The following RANBP2 variants were observed in gnomAD, a reference collection of about 807,000 sequenced individuals.
RANBP2 encodes E3 SUMO-protein ligase RanBP2.
RANBP2 carries 57 observed loss-of-function variants against 303.6 expected under a neutral mutation model. The observed-to-expected ratio is 0.19, with a 90% CI of 0.15 to 0.23. RANBP2 has a LOEUF of 0.23. Among genes scored for constraint, RANBP2 ranks in the 10% least tolerant of loss-of-function variants. The probability of loss-of-function intolerance (pLI) is 1.00; values close to 1 mark genes in which losing one functional copy is unlikely to be tolerated. For missense variants in RANBP2, 3,138 were observed against 3,780.8 expected, an observed-to-expected ratio of 0.83 and a Z score of 4.46; for synonymous variants, 1,167 against 1,301.5, an observed-to-expected ratio of 0.90 and a Z score of 2.23.
At chr2:109,664,078 G>A in the RANBP2 span, among the ~76,000 whole-genome samples, 1 of 152,142 alleles carries the variant, frequency 6.6e-6, no homozygotes, top group African/African-American at 2.4e-5. Flanking sequence ...AAAGCAGACT[G>A]CTCTATTCTG....
At chr2:109,087,464 C>T in the RANBP2 span, among the ~76,000 whole-genome samples, 1 of 152,124 alleles carries the variant, frequency 6.6e-6, no homozygotes, top group Non-Finnish European at 1.5e-5. Flanking sequence ...GGACTTGTTC[C>T]TAACTCTGAG....
At chr2:109,069,758 A>C in the RANBP2 span, among the ~76,000 whole-genome samples, 1 of 152,294 alleles carries the variant, frequency 6.6e-6, no homozygotes, top group East Asian at 1.9e-4. Flanking sequence ...TCATGGAGTC[A>C]TTACTCTTTC....
At chr2:109,530,676 G>T in the RANBP2 span, among the ~76,000 whole-genome samples, 3 of 152,218 alleles carry the variant, frequency 2.0e-5, no homozygotes, top group African/African-American at 4.8e-5. Context: ...TCTGTGTGCT[G>T]TTCAGTTTCT....
At chr2:109,447,164 A>G in the RANBP2 span, among the ~76,000 whole-genome samples, 435 of 149,854 alleles carry the variant, frequency 2.9e-3, 1 homozygote, top group East Asian at 8.0e-3. Context: ...AAAAAAAAAA[A>G]AAAAGAAAAG....
chr2:108,775,443 C>T (rs1025424247), intron 23 of RANBP2, among the ~76,000 whole-genome samples: 4 of 152,242 alleles, frequency 2.6e-5, no homozygotes, highest in African/African-American at 9.6e-5. Flanking sequence ...GGCTGGGTTA[C>T]AGGAGTGGCA....
At chr2:108,873,788 G>C in the RANBP2 span, among the ~76,000 whole-genome samples, 1 of 152,088 alleles carries the variant, frequency 6.6e-6, no homozygotes, top group East Asian at 1.9e-4. Flanking sequence ...TTTTCAGAAA[G>C]CTTACAAATT....
At chr2:109,318,741 C>T in the RANBP2 span, among the ~76,000 whole-genome samples, 3 of 152,160 alleles carry the variant, frequency 2.0e-5, no homozygotes, top group Non-Finnish European at 4.4e-5. Context: ...AGATACTGAC[C>T]CTTCTGGTCT....
the RANBP2 span, among the ~76,000 whole-genome samples, chr2:108,984,594 C>T: frequency 6.6e-6 from 1 of 152,168 alleles, no homozygotes; most frequent in Non-Finnish European, 1.5e-5. Context: ...TTCACTCCCT[C>T]ACTTCATCCA....
At chr2:109,687,892 C>T in the RANBP2 span, among the ~76,000 whole-genome samples, 1 of 152,078 alleles carries the variant, frequency 6.6e-6, no homozygotes, top group South Asian at 2.1e-4. Context: ...TACACACGTG[C>T]ACCACCATGT....
chr2:109,672,003 T>TCTC, the RANBP2 span, among the ~76,000 whole-genome samples: 1 of 148,848 alleles, frequency 6.7e-6, no homozygotes, highest in Non-Finnish European at 1.5e-5. Flanking sequence ...TTCTATACTT[T>TCTC]CTCCTCCTCC....
chr2:108,990,113 T>C, the RANBP2 span, among the ~76,000 whole-genome samples: 6 of 151,864 alleles, frequency 4.0e-5, no homozygotes, highest in Non-Finnish European at 7.4e-5. Context: ...CTGGCCAACA[T>C]GGTGAAACTC....
the RANBP2 span, among the ~76,000 whole-genome samples, chr2:108,808,721 G>C: frequency 6.6e-6 from 1 of 152,026 alleles, no homozygotes; most frequent in Non-Finnish European, 1.5e-5. Flanking sequence ...TTTTTTTGCT[G>C]TTGAGTTCCT....
the RANBP2 span, among the ~76,000 whole-genome samples, chr2:109,733,318 GA>G: frequency 7.6e-4 from 115 of 151,850 alleles, no homozygotes; most frequent in African/African-American, 2.7e-3. Context: ...TTGAACAAAA[GA>G]AAAAAATCAC....
At chr2:109,096,642 A>G in the RANBP2 span, among the ~76,000 whole-genome samples, 5 of 152,228 alleles carry the variant, frequency 3.3e-5, no homozygotes, top group African/African-American at 9.6e-5. Context: ...TGAAATGTTC[A>G]TGAATATCAA....
the RANBP2 span, among the ~76,000 whole-genome samples, chr2:109,271,187 G>A: frequency 2.0e-5 from 3 of 152,142 alleles, no homozygotes; most frequent in East Asian, 3.9e-4. Flanking sequence ...TTGCTAATGA[G>A]CAAAACAAGG....
At chr2:109,731,841 C>A in the RANBP2 span, among the ~76,000 whole-genome samples, 3 of 149,836 alleles carry the variant, frequency 2.0e-5, no homozygotes, top group African/African-American at 7.3e-5. Flanking sequence ...TCTTCTTTCT[C>A]TTTTTCTTTT....
chr2:108,773,098 G>T (rs746489678), intron 23 of RANBP2, 52 bp downstream of exon 23: 2 of 1,509,570 alleles, frequency 1.3e-6, no homozygotes, highest in Admixed American at 1.9e-5. Flanking sequence ...CTTTGTTGAT[G>T]CAGTAAACTT....
At chr2:109,479,346 G>A in the RANBP2 span, among the ~76,000 whole-genome samples, 2 of 152,192 alleles carry the variant, frequency 1.3e-5, no homozygotes, top group Admixed American at 6.5e-5. Context: ...GAGACACAGT[G>A]TTGTGGCTGT....
chr2:108,752,174 C>T (rs1377018664), intron 12 of RANBP2, among the ~76,000 whole-genome samples, 180 bp downstream of exon 12: 1 of 151,740 alleles, frequency 6.6e-6, no homozygotes, highest in Non-Finnish European at 1.5e-5. Context: ...AGGAGCAATG[C>T]CTGGCACACA....
Sources: allele counts gnomAD v4.1 joint callset (sites outside exome capture counted in the v4.1 genomes callset), GRCh38; gene constraint gnomAD v4.1.1; transcripts MANE v1.5; gene names NCBI Gene and HGNC (gene_info 2026-07-23, HGNC 2026-07-21).